GRIK4: variants seen among roughly 807,000 people sequenced by gnomAD.
GRIK4 encodes the protein glutamate ionotropic receptor kainate type subunit 4, also known as glutamate receptor ionotropic, kainate 4.
Under a neutral mutation model 104.9 loss-of-function variants are expected in GRIK4, and 40 were observed. That is an observed-to-expected ratio of 0.38 (90% CI 0.30 to 0.50). GRIK4 has a LOEUF of 0.50. GRIK4 is among the 20% of genes least tolerant of loss of function. The pLI, the probability that GRIK4 is intolerant of heterozygous loss-of-function variation, is 0.93. For synonymous variants in GRIK4, 485 were observed against 524.9 expected (o/e 0.92, Z 1.04); for missense variants, 1,047 against 1,308.1 (o/e 0.80, Z 3.08).
rs11601460 is a variant in GRIK4 at position 120,556,325 on chromosome 11, C to T, written c.-159+44438C>T. On this transcript the variant is annotated intron_variant, in intron 1 of 20. Coordinates refer to ENST00000527524, the MANE Select transcript of GRIK4 (RefSeq NM_014619.5). ...AAATACCCCAAATCTAACCACTTGT[C>T]ACCTTCTGCTCACTCCCATCCTCAT... Among the ~76,000 whole-genome samples the T allele has an allele frequency of 5.7e-3, 862 of 152,298 alleles. 5 individuals carry two copies. The highest frequency in any genetic ancestry group is 0.019 in the African/African-American group (809 of 41,552).
intron 1 of GRIK4, among the ~76,000 whole-genome samples, chr11:120,558,774 T>A (rs1424539528): frequency 6.6e-6 from 1 of 152,192 alleles, no homozygotes; most frequent in Non-Finnish European, 1.5e-5. Context: ...TAGAGAGGGT[T>A]GGGGGGCATT....
intron 3 of GRIK4, among the ~76,000 whole-genome samples, chr11:120,733,886 C>T (rs532645987): frequency 4.6e-5 from 7 of 151,946 alleles, no homozygotes; most frequent in Admixed American, 1.3e-4. Flanking sequence ...TACAGGCACC[C>T]GCCACCGCAC....
At chr11:120,980,751 G>A (rs1409756629) in intron 19 of GRIK4, among the ~76,000 whole-genome samples, 2 of 152,192 alleles carry the variant, frequency 1.3e-5, no homozygotes, top group African/African-American at 4.8e-5. Context: ...GCAGATCAGA[G>A]TGTATAGTTC....
chr11:120,571,832 C>T (rs532856029), intron 1 of GRIK4, among the ~76,000 whole-genome samples: 3 of 152,282 alleles, frequency 2.0e-5, no homozygotes, highest in South Asian at 2.1e-4. Flanking sequence ...TTAAACTTTC[C>T]TGGGTGAACG....
chr11:120,529,391 G>A (rs1422527902), intron 1 of GRIK4, among the ~76,000 whole-genome samples: 2 of 152,230 alleles, frequency 1.3e-5, no homozygotes, highest in African/African-American at 4.8e-5. Flanking sequence ...CGACATTAGA[G>A]GGATTGCCCT....
At chr11:120,536,963 C>G (rs1947984216) in intron 1 of GRIK4, among the ~76,000 whole-genome samples, 1 of 152,214 alleles carries the variant, frequency 6.6e-6, no homozygotes, top group South Asian at 2.1e-4. Context: ...GGGCGTGCTC[C>G]CCATGCTCCA....
At chr11:120,755,384 T>C (rs931692455) in intron 3 of GRIK4, among the ~76,000 whole-genome samples, 1 of 152,042 alleles carries the variant, frequency 6.6e-6, no homozygotes, top group Non-Finnish European at 1.5e-5. Flanking sequence ...TGTGGGAGGA[T>C]TGCTAGAGCC....
At chr11:120,777,133 G>A (rs1421341594) in intron 3 of GRIK4, among the ~76,000 whole-genome samples, 4 of 152,112 alleles carry the variant, frequency 2.6e-5, no homozygotes, top group Non-Finnish European at 4.4e-5. Flanking sequence ...TAAAAACACC[G>A]ACGCGGGTTT....
intron 6 of GRIK4, among the ~76,000 whole-genome samples, chr11:120,823,246 T>A (rs745800010): frequency 6.6e-6 from 1 of 152,248 alleles, no homozygotes; most frequent in Non-Finnish European, 1.5e-5. Context: ...AGGCTGAGAC[T>A]TGTTTCCTCT....
At chr11:120,739,631 A>G (rs1198394852) in intron 3 of GRIK4, among the ~76,000 whole-genome samples, 6 of 152,232 alleles carry the variant, frequency 3.9e-5, no homozygotes, top group African/African-American at 1.2e-4. Context: ...CTCTGAGACA[A>G]CATGTTTAGA....
chr11:120,740,830 C>T (rs1054873394), intron 3 of GRIK4, among the ~76,000 whole-genome samples: 1 of 152,210 alleles, frequency 6.6e-6, no homozygotes, highest in Non-Finnish European at 1.5e-5. Context: ...CATGTATCTG[C>T]ATAATGCTTT....
chr11:120,668,764 C>T (rs1210979024), intron 3 of GRIK4, among the ~76,000 whole-genome samples: 5 of 152,204 alleles, frequency 3.3e-5, no homozygotes, highest in African/African-American at 7.2e-5. Context: ...CCAGACTGCT[C>T]GGATATGAAT....
chr11:120,954,610 G>A (rs1045147608), intron 15 of GRIK4, among the ~76,000 whole-genome samples: 1 of 152,056 alleles, frequency 6.6e-6, no homozygotes, highest in African/African-American at 2.4e-5. Flanking sequence ...ATACATACAA[G>A]CCTGCTTCAG....
At position 120,602,605 on chromosome 11, in the gene GRIK4, C is replaced by G. The variant is rs567307316; in HGVS notation, c.-158-51080C>G. On this transcript the variant is annotated intron_variant, in intron 1 of 20. Coordinates refer to ENST00000527524, the MANE Select transcript of GRIK4 (RefSeq NM_014619.5). ...GACAGAGGAGGCTCTGAACACAGAACTGGCTGAGCCCGAAGCCCATAGTTC... is the reference window on the plus strand; with the variant it reads ...GACAGAGGAGGCTCTGAACACAGAAGTGGCTGAGCCCGAAGCCCATAGTTC... 8.5e-5 allele frequency among the ~76,000 whole-genome samples: 13 copies of G among 152,370 alleles called. No homozygotes were observed. In the East Asian group the frequency reaches 2.5e-3, roughly 29 times the overall value.
At chr11:120,888,749 A>G (rs1955190331) in intron 11 of GRIK4, among the ~76,000 whole-genome samples, 1 of 152,166 alleles carries the variant, frequency 6.6e-6, no homozygotes, top group Admixed American at 6.5e-5. Flanking sequence ...ACTGAAACCA[A>G]AGCTTGTGAA....
chr11:120,645,700 G>A (rs1053376232), intron 1 of GRIK4, among the ~76,000 whole-genome samples: 3 of 152,200 alleles, frequency 2.0e-5, no homozygotes, highest in Non-Finnish European at 2.9e-5. Flanking sequence ...GCAGCCAGCT[G>A]TGGTCTGGAA....
At chr11:120,762,766 C>G (rs1446780694) in intron 3 of GRIK4, among the ~76,000 whole-genome samples, 2 of 152,196 alleles carry the variant, frequency 1.3e-5, no homozygotes, top group Non-Finnish European at 2.9e-5. Context: ...ATTGAACCAG[C>G]CTTGCATCCC....
intron 6 of GRIK4, 132 bp downstream of exon 6, chr11:120,820,052 T>A: frequency 1.3e-6 from 1 of 785,276 alleles, no homozygotes; most frequent in Non-Finnish European, 2.1e-6. Flanking sequence ...TGATAACCAA[T>A]GGGTTTGGGC....
intron 1 of GRIK4, among the ~76,000 whole-genome samples, chr11:120,588,071 G>A (rs1274764584): frequency 1.3e-5 from 2 of 152,182 alleles, no homozygotes; most frequent in East Asian, 1.9e-4. Flanking sequence ...CACTGACTGG[G>A]GGTGGGCTGC....
Sources: gnomAD v4.1 joint callset for allele counts (sites outside exome capture counted in the v4.1 genomes callset) on GRCh38, gnomAD v4.1.1 for gene constraint, MANE v1.5 for transcripts, NCBI Gene and HGNC (gene_info 2026-07-23, HGNC 2026-07-21) for gene names.